Variants in DOCK1 observed in about 807,000 individuals in gnomAD.
DOCK1 encodes dedicator of cytokinesis protein 1.
Under a neutral mutation model 262.7 loss-of-function variants are expected in DOCK1, and 138 were observed. The observed-to-expected ratio is 0.53, with a 90% CI of 0.46 to 0.61. The LOEUF is 0.61. Among genes scored for constraint, DOCK1 ranks in the 20% least tolerant of loss-of-function variants. DOCK1 has a pLI of 0.00. For missense variants in DOCK1, 1,908 were observed against 2,370.7 expected, an observed-to-expected ratio of 0.80 and a Z score of 4.05; for synonymous variants, 866 against 867.4, an observed-to-expected ratio of 1.00 and a Z score of 0.03.
At chr10:127,350,275 A>AC (rs397711377) in intron 31 of DOCK1, among the ~76,000 whole-genome samples, 1 of 148,980 alleles carries the variant, frequency 6.7e-6, no homozygotes, top group Non-Finnish European at 1.5e-5. Flanking sequence ...TTTAAAAAAA[A>AC]CCTGCCTCCT....
At position 127,012,329 on chromosome 10, in the gene DOCK1, A is replaced by T; in HGVS notation, c.1156A>T (p.Ile386Leu). The T allele has an allele frequency of 6.2e-7, 1 of 1,614,038 alleles. No homozygotes were observed. The highest frequency in any genetic ancestry group is 8.5e-7 in the Non-Finnish European group (1 of 1,179,896). Residue 386 changes from isoleucine to leucine, a missense_variant, in exon 12 of 52, where the codon ATA becomes TTA. By Grantham distance (5) the Ile-to-Leu change is conservative. This residue lies in a region of DOCK1 where 57 missense variants were observed against 39.7 expected (regional missense o/e 1.44). Coordinates refer to ENST00000623213, the MANE Select transcript of DOCK1 (RefSeq NM_001290223.2). This position sits in a 1 kb window ranked among gnomAD's most constrained non-coding sequence, Gnocchi z 4.0. ...AGENDFLQTV[I>L]NKVIAAKEVN... ...GGAGAATGACTTCCTTCAGACTGTTATAAACAAAGTCATCGCTGCCAAAGA... is the reference window on the plus strand; with the variant it reads ...GGAGAATGACTTCCTTCAGACTGTTTTAAACAAAGTCATCGCTGCCAAAGA...
chr10:127,211,189 C>G (rs1329779359), intron 27 of DOCK1, among the ~76,000 whole-genome samples: 1 of 152,174 alleles, frequency 6.6e-6, no homozygotes, highest in Non-Finnish European at 1.5e-5. Context: ...GTCCTGCACT[C>G]TAACTGCAGG....
intron 25 of DOCK1, among the ~76,000 whole-genome samples, chr10:127,112,092 A>G (rs1280037678): frequency 6.6e-6 from 1 of 150,868 alleles, no homozygotes; most frequent in Non-Finnish European, 1.5e-5. Context: ...GCTCCCTGCA[A>G]CCTCCGCCTC....
chr10:127,002,586 C>T (rs934599041), intron 10 of DOCK1, among the ~76,000 whole-genome samples: 2 of 152,094 alleles, frequency 1.3e-5, no homozygotes, highest in Non-Finnish European at 2.9e-5. Flanking sequence ...GGTTGGGCCC[C>T]CCAGCTCCTG....
rs994318448 is a variant in DOCK1, at chr10:127,447,384, G to A, written c.5414-10G>A. On this transcript the variant is annotated splice_polypyrimidine_tract_variant and intron_variant, in intron 50 of 51. Transcript: ENST00000623213. ...GTCGGGCTGATTTTAAATAGATCCC[G>A]GTTTTCCAGGCTTGGAGCTGAACGG... is the stretch of plus-strand genomic sequence containing the variant. The A allele has an allele frequency of 2.5e-6, 4 of 1,609,726 alleles. No homozygotes were observed. Among genetic ancestry groups the A allele is most frequent in the South Asian group, 1.1e-5 (1 of 90,100 alleles).
At chr10:127,364,201 C>T (rs773159198) in intron 33 of DOCK1, among the ~76,000 whole-genome samples, 4 of 152,110 alleles carry the variant, frequency 2.6e-5, no homozygotes, top group African/African-American at 7.2e-5. Context: ...TTCCGGAAGC[C>T]GGGGAGGAGC....
chr10:127,187,789 AG>A lies in DOCK1; in HGVS notation c.2847+60026del, dbSNP rs2056420181. On this transcript the variant is annotated intron_variant, in intron 27 of 51. Transcript: ENST00000623213. ...AAGAAAAGAGAGAGAAAAGCAAGCA[AG>A]CAAGCAAGCAAAAGCAAAAGCATAT... 2.0e-5 allele frequency among the ~76,000 whole-genome samples: 3 copies of A among 152,312 alleles called. No individual in the cohort carries two copies. In the South Asian group the frequency reaches 6.2e-4, roughly 32 times the overall value.
intron 27 of DOCK1, among the ~76,000 whole-genome samples, chr10:127,141,976 C>G (rs1364309482): frequency 6.6e-6 from 1 of 152,226 alleles, no homozygotes; most frequent in African/African-American, 2.4e-5. Flanking sequence ...TTTCCGTCTT[C>G]TAGGATTCTA....
chr10:127,404,114 G>A (rs1211391732), intron 39 of DOCK1, among the ~76,000 whole-genome samples: 1 of 152,124 alleles, frequency 6.6e-6, no homozygotes, highest in East Asian at 1.9e-4. Context: ...CGGAATGATG[G>A]AGAATGAGTG....
At chr10:127,338,128 TAGAGAA>T (rs2063280278) in intron 29 of DOCK1, among the ~76,000 whole-genome samples, 1 of 152,208 alleles carries the variant, frequency 6.6e-6, no homozygotes, top group Admixed American at 6.5e-5. Flanking sequence ...GCTGTCTAAA[TAGAGAA>T]AGTGGAATTA....
In DOCK1 at chr10:127,128,047, T is replaced by C. The variant is rs779971959; in HGVS notation, c.2847+283T>C. On this transcript the variant is annotated intron_variant, in intron 27 of 51. Transcript: ENST00000623213. ...CATTCTTCTGGCAGTTTCTCCATAG[T>C]GTTTACACTTAAGGTGCCATTAATA... The C allele has an allele frequency of 1.2e-3, 253 of 219,890 alleles. 5 individuals are homozygous for C. Among genetic ancestry groups the C allele is most frequent in the Middle Eastern group, 6.2e-3 (4 of 644 alleles). The allele number at this position is 219,890 out of a possible 1,614,324, so 13.6% of individuals were successfully genotyped here.
intron 27 of DOCK1, among the ~76,000 whole-genome samples, chr10:127,209,328 A>T (rs547389257): frequency 3.9e-5 from 6 of 152,222 alleles, no homozygotes; most frequent in Non-Finnish European, 7.3e-5. Context: ...TTGGATTTTC[A>T]TAAAATAAAG....
At chr10:126,909,769 T>C (rs1402715916) in intron 1 of DOCK1, among the ~76,000 whole-genome samples, 2 of 152,212 alleles carry the variant, frequency 1.3e-5, no homozygotes, top group Non-Finnish European at 2.9e-5. Flanking sequence ...TAGCCCTGCG[T>C]TTAAGATATG....
At chr10:127,131,295 A>G (rs545291519) in intron 27 of DOCK1, among the ~76,000 whole-genome samples, 3 of 152,200 alleles carry the variant, frequency 2.0e-5, no homozygotes, top group Non-Finnish European at 4.4e-5. Context: ...CTTCCCAAAC[A>G]GAAGCCTCAA....
intron 50 of DOCK1, among the ~76,000 whole-genome samples, 165 bp from the exon 51 acceptor site, chr10:127,447,229 G>A (rs2070630475): frequency 1.3e-5 from 2 of 152,334 alleles, no homozygotes; most frequent in South Asian, 2.1e-4. Context: ...CACCCTTTGT[G>A]TTCGCTCCCT....
chr10:127,354,059 T>C (rs751000019), intron 31 of DOCK1, among the ~76,000 whole-genome samples: 36 of 152,042 alleles, frequency 2.4e-4, no homozygotes, highest in Non-Finnish European at 4.1e-4. Flanking sequence ...CTAATAAAGG[T>C]TTATCTTCTG....
rs550861960 is a variant in DOCK1, at chr10:127,245,052, G to A, written c.2848-2956G>A. On this transcript the variant is annotated intron_variant, in intron 27 of 51. Coordinates refer to ENST00000623213, the MANE Select transcript of DOCK1 (RefSeq NM_001290223.2). ...TTTCAAAAGGCTTCCATAAATACCC[G>A]TTTTATCCACCCTTATAAGCCCACA... Among the ~76,000 whole-genome samples, 24 of 152,188 alleles carry A rather than the reference G, an allele frequency of 1.6e-4. No homozygotes were observed. In the South Asian group the frequency reaches 3.1e-3, roughly 20 times the overall value.
chr10:127,218,998 C>G (rs1230996276), intron 27 of DOCK1, among the ~76,000 whole-genome samples: 1 of 152,132 alleles, frequency 6.6e-6, no homozygotes, highest in Non-Finnish European at 1.5e-5. Context: ...TTTTAAGGGC[C>G]TTAATCCCAC....
intron 29 of DOCK1, among the ~76,000 whole-genome samples, chr10:127,305,864 C>A (rs545890278): frequency 6.6e-6 from 1 of 152,162 alleles, no homozygotes; most frequent in Non-Finnish European, 1.5e-5. Context: ...CATAGACCAG[C>A]GACCCCTGCT....
Sources: gnomAD v4.1 joint callset for allele counts (sites outside exome capture counted in the v4.1 genomes callset) on GRCh38, gnomAD v4.1.1 for gene constraint, gnomAD v4.1.1 regional missense constraint, Gnocchi (gnomAD v3.1) non-coding constraint, MANE v1.5 for transcripts, NCBI Gene and HGNC (gene_info 2026-07-23, HGNC 2026-07-21) for gene names.